The following PRTFDC1 variants were observed in gnomAD, a reference collection of about 807,000 sequenced individuals.
The protein encoded by PRTFDC1 is phosphoribosyltransferase domain-containing protein 1.
PRTFDC1 carries 38 observed loss-of-function variants against 34.6 expected under a neutral mutation model. That is an observed-to-expected ratio of 1.10 (90% CI 0.85 to 1.44). The LOEUF (loss-of-function observed/expected upper bound fraction) is 1.44. PRTFDC1 is among the 40% of genes most tolerant of loss of function. The pLI is 0.00. For synonymous variants in PRTFDC1, 93 were observed against 98.1 expected (o/e 0.95, Z 0.31); for missense variants, 270 against 283.0 (o/e 0.95, Z 0.33).
In PRTFDC1 at chr10:24,946,979, T is replaced by TA. The variant is rs113540659; in HGVS notation, c.49-4544dup. Among the ~76,000 whole-genome samples, 285 of 147,002 alleles carry TA rather than the reference T, an allele frequency of 1.9e-3. 1 individual carries two copies. The highest frequency in any genetic ancestry group is 4.8e-3 in the African/African-American group (195 of 40,312). On this transcript the variant is annotated intron_variant, in intron 1 of 8. Coordinates refer to ENST00000320152, the MANE Select transcript of PRTFDC1 (RefSeq NM_020200.7). ...AATGAGAACCCATCTCTACAAAAAA[T>TA]AAAAAAAAAAATTGTTCTGGTGTGA... is the stretch of plus-strand genomic sequence containing the variant.
chr10:24,902,751 T>C (rs1848468683), intron 3 of PRTFDC1, among the ~76,000 whole-genome samples: 1 of 152,242 alleles, frequency 6.6e-6, no homozygotes, highest in Non-Finnish European at 1.5e-5. Context: ...ACAGTTAGAT[T>C]TCCTTCTTCC....
At chr10:24,870,989 T>C (rs1847858949) in intron 4 of PRTFDC1, among the ~76,000 whole-genome samples, 1 of 150,540 alleles carries the variant, frequency 6.6e-6, no homozygotes, top group African/African-American at 2.5e-5. Context: ...GGGGAATCAT[T>C]TGAAACCAGG....
intron 3 of PRTFDC1, among the ~76,000 whole-genome samples, chr10:24,895,005 G>C (rs1401180011): frequency 6.6e-6 from 1 of 152,106 alleles, no homozygotes; most frequent in Non-Finnish European, 1.5e-5. Context: ...AAAACCCTGG[G>C]CTTGGCTTCC....
chr10:24,867,249 C>A (rs1011495493), intron 4 of PRTFDC1, among the ~76,000 whole-genome samples: 5 of 151,140 alleles, frequency 3.3e-5, no homozygotes, highest in African/African-American at 1.2e-4. Context: ...TCCTTTCTAG[C>A]CCTCCCTCCT....
Position 24,904,668 on chromosome 10 carries a change from C to T in PRTFDC1, c.339+32516G>A, listed in dbSNP as rs530413282. 5.9e-5 allele frequency among the ~76,000 whole-genome samples: 9 copies of T among 152,280 alleles called. 1 individual carries two copies. In the South Asian group the frequency reaches 1.9e-3, roughly 32 times the overall value. On this transcript the variant is annotated intron_variant, in intron 3 of 8. Coordinates refer to ENST00000320152, the MANE Select transcript of PRTFDC1 (RefSeq NM_020200.7). ...ACACCTTAAGAATACATCTGAACTTCTAGGGATCTCTAAGAATCCTGGAAA... is the reference window on the plus strand; with the variant it reads ...ACACCTTAAGAATACATCTGAACTTTTAGGGATCTCTAAGAATCCTGGAAA...
intron 6 of PRTFDC1, among the ~76,000 whole-genome samples, chr10:24,856,636 A>G (rs1053087805): frequency 1.3e-5 from 2 of 152,182 alleles, no homozygotes; most frequent in African/African-American, 4.8e-5. Flanking sequence ...GGAGCGGAGC[A>G]ATTGCACGGG....
At chr10:24,887,372 G>A (rs1018995177) in intron 3 of PRTFDC1, among the ~76,000 whole-genome samples, 4 of 152,172 alleles carry the variant, frequency 2.6e-5, no homozygotes, top group African/African-American at 9.7e-5. Flanking sequence ...ACCTGGTGGA[G>A]AATCATGGTG....
chr10:24,942,529 C>G, intron 1 of PRTFDC1, 93 bp from the exon 2 acceptor site: 4 of 1,046,218 alleles, frequency 3.8e-6, no homozygotes, highest in East Asian at 2.4e-5. Context: ...AGAATTCCCT[C>G]AACTTATGAA....
intron 3 of PRTFDC1, among the ~76,000 whole-genome samples, chr10:24,893,474 T>A (rs1353402434): frequency 6.6e-6 from 1 of 152,058 alleles, no homozygotes; most frequent in East Asian, 1.9e-4. Flanking sequence ...TGTTTTGTTT[T>A]GTTTGTTGGT....
chr10:24,881,069 CTTCT>C (rs142062779), intron 3 of PRTFDC1, among the ~76,000 whole-genome samples: 3,482 of 137,394 alleles, frequency 0.025, 149 homozygotes, highest in African/African-American at 0.09. Context: ...TCCTTCCTTC[CTTCT>C]TTCTTTCTTT....
intron 3 of PRTFDC1, among the ~76,000 whole-genome samples, chr10:24,916,902 A>G (rs1848704561): frequency 6.6e-6 from 1 of 152,168 alleles, no homozygotes. Flanking sequence ...TTTCCCAACA[A>G]GGCTATCTCT....
chr10:24,900,546 AG>A (rs1848432092), intron 3 of PRTFDC1, among the ~76,000 whole-genome samples: 1 of 152,234 alleles, frequency 6.6e-6, no homozygotes, highest in East Asian at 1.9e-4. Flanking sequence ...CAGAGGGAGA[AG>A]GAATGTGTGG....
rs1368308570 is a variant in PRTFDC1, at chr10:24,937,121, G to A, written c.339+63C>T. On this transcript the variant is annotated intron_variant, in intron 3 of 8. Transcript: ENST00000320152. ...CACTCTTCATTTTCATAACATTATTGATTCTTTTATCCTAAAGCATTGTTA... is the reference window on the plus strand; with the variant it reads ...CACTCTTCATTTTCATAACATTATTAATTCTTTTATCCTAAAGCATTGTTA... 3 of 1,351,346 alleles carry A rather than the reference G, an allele frequency of 2.2e-6. No homozygotes were observed. The African/African-American group carries it at 4.4e-5, about 20-fold the overall frequency. 83.7% of individuals were successfully genotyped at this position (1,351,346 alleles called of 1,614,324 possible).
At chr10:24,934,060 G>A (rs1849009721) in intron 3 of PRTFDC1, among the ~76,000 whole-genome samples, 1 of 152,100 alleles carries the variant, frequency 6.6e-6, no homozygotes, top group African/African-American at 2.4e-5. Flanking sequence ...GTCAAGGGAA[G>A]TGAAGTCATA....
At chr10:24,909,249 C>A (rs961259871) in intron 3 of PRTFDC1, among the ~76,000 whole-genome samples, 7 of 152,148 alleles carry the variant, frequency 4.6e-5, no homozygotes, top group Admixed American at 1.3e-4. Flanking sequence ...TCATTGCACT[C>A]CAGCCTGAGC....
chr10:24,905,576 G>A (rs1383544386), intron 3 of PRTFDC1, among the ~76,000 whole-genome samples: 1 of 152,022 alleles, frequency 6.6e-6, no homozygotes, highest in Non-Finnish European at 1.5e-5. Flanking sequence ...GCCTCCCAAA[G>A]TGTTGGGATT....
chr10:24,898,475 A>AAAAAAAAAG (rs1848403779), intron 3 of PRTFDC1, among the ~76,000 whole-genome samples: 1 of 150,804 alleles, frequency 6.6e-6, no homozygotes, highest in African/African-American at 2.4e-5. Context: ...AAAAAAAAAA[A>AAAAAAAAAG]AAAAAAGGAA....
intron 3 of PRTFDC1, among the ~76,000 whole-genome samples, chr10:24,929,504 A>G (rs557268761): frequency 2.6e-5 from 4 of 152,282 alleles, no homozygotes; most frequent in African/African-American, 9.6e-5. Context: ...GGCACATTCA[A>G]ACAACATGGG....
At chr10:24,872,921 T>C (rs552730598) in intron 3 of PRTFDC1, among the ~76,000 whole-genome samples, 1 of 150,418 alleles carries the variant, frequency 6.6e-6, no homozygotes, top group Non-Finnish European at 1.5e-5. Flanking sequence ...AATCCTTCTG[T>C]CTCGGCTTCC....
Sources: gnomAD v4.1 joint callset for allele counts (sites outside exome capture counted in the v4.1 genomes callset) on GRCh38, gnomAD v4.1.1 for gene constraint, MANE v1.5 for transcripts, NCBI Gene and HGNC (gene_info 2026-07-23, HGNC 2026-07-21) for gene names.